The following DPH6 variants were observed in gnomAD, a reference collection of about 807,000 sequenced individuals.
DPH6 encodes diphthine--ammonia ligase.
In DPH6, 33 loss-of-function variants were observed where a neutral mutation model predicts 38.2. The observed-to-expected ratio is 0.86, with a 90% CI of 0.65 to 1.15. The LOEUF (loss-of-function observed/expected upper bound fraction) is 1.15, where lower values mean the gene tolerates loss of function less well. DPH6 is among the 50% of genes most tolerant of loss of function. The pLI is 0.00. For synonymous variants in DPH6, 108 were observed against 103.0 expected (o/e 1.05, Z -0.30); for missense variants, 325 against 320.0 (o/e 1.02, Z -0.12).
chr15:35,304,307 A>G (rs913081160), intron 3 of DPH6, among the ~76,000 whole-genome samples: 1 of 152,078 alleles, frequency 6.6e-6, no homozygotes, highest in African/African-American at 2.4e-5. Flanking sequence ...TTTCCAATAC[A>G]TTACCTTCCT....
chr15:35,146,770 T>C, the DPH6 span, among the ~76,000 whole-genome samples: 1 of 152,158 alleles, frequency 6.6e-6, no homozygotes, highest in African/African-American at 2.4e-5. Context: ...ATATGGAACC[T>C]CTAAAAGTCT....
chr15:35,507,969 A>G (rs1268155217), intron 3 of DPH6, among the ~76,000 whole-genome samples: 1 of 152,092 alleles, frequency 6.6e-6, no homozygotes, highest in African/African-American at 2.4e-5. Flanking sequence ...AATTGTCAGT[A>G]TACACTCCGA....
intron 3 of DPH6, chr15:35,282,890 A>C: frequency 2.9e-6 from 1 of 345,182 alleles, no homozygotes; most frequent in Non-Finnish European, 5.9e-6. Context: ...GGGGGGTTCC[A>C]CCATATAGAT....
intron 3 of DPH6, among the ~76,000 whole-genome samples, chr15:35,499,944 C>T (rs1318252093): frequency 6.6e-6 from 1 of 152,156 alleles, no homozygotes; most frequent in Non-Finnish European, 1.5e-5. Flanking sequence ...AAGAAATCAT[C>T]CAGTCTTCCA....
intron 3 of DPH6, among the ~76,000 whole-genome samples, chr15:35,274,416 G>A (rs1273005918): frequency 6.6e-6 from 1 of 152,080 alleles, no homozygotes; most frequent in Non-Finnish European, 1.5e-5. Context: ...AAACTAAAGC[G>A]CTTCTGCACA....
chr15:35,209,555 A>G, the DPH6 span, among the ~76,000 whole-genome samples: 1 of 152,188 alleles, frequency 6.6e-6, no homozygotes, highest in Non-Finnish European at 1.5e-5. Flanking sequence ...ATCTTAGCAC[A>G]AGTGAATAAA....
intron 3 of DPH6, among the ~76,000 whole-genome samples, chr15:35,228,893 G>C (rs1380127481): frequency 6.6e-6 from 1 of 152,112 alleles, no homozygotes; most frequent in Non-Finnish European, 1.5e-5. Context: ...TGGCCTGTAA[G>C]GTTTCCCTGA....
intron 6 of DPH6, among the ~76,000 whole-genome samples, chr15:35,401,968 CA>C (rs1261824393): frequency 6.6e-6 from 1 of 152,200 alleles, no homozygotes; most frequent in Non-Finnish European, 1.5e-5. Context: ...AGTTTTATAA[CA>C]GGTCATTTTA....
chr15:35,283,756 G>GCACACACACACACACACACA (rs757887783), intron 3 of DPH6, among the ~76,000 whole-genome samples: 32 of 123,648 alleles, frequency 2.6e-4, no homozygotes, highest in Non-Finnish European at 4.3e-4. Context: ...GGCACAGATA[G>GCACACACACACACACACACA]TACACACACA....
At chr15:35,481,208 T>C (rs937653867) in intron 3 of DPH6, among the ~76,000 whole-genome samples, 1 of 152,164 alleles carries the variant, frequency 6.6e-6, no homozygotes, top group Admixed American at 6.6e-5. Context: ...GTATGTGGTA[T>C]ACCGCATTCT....
chr15:35,492,752 G>T (rs1391882679), intron 3 of DPH6, among the ~76,000 whole-genome samples: 2 of 151,954 alleles, frequency 1.3e-5, no homozygotes, highest in Non-Finnish European at 2.9e-5. Flanking sequence ...TTACAAATAA[G>T]AAATCTTGAG....
At chr15:35,341,224 A>G (rs1042470394) in intron 3 of DPH6, among the ~76,000 whole-genome samples, 1 of 152,068 alleles carries the variant, frequency 6.6e-6, no homozygotes, top group African/African-American at 2.4e-5. Flanking sequence ...AGCTCCATCA[A>G]GTTGGTTATG....
At chr15:35,354,750 TG>T (rs1308822402) in intron 3 of DPH6, among the ~76,000 whole-genome samples, 2 of 152,278 alleles carry the variant, frequency 1.3e-5, no homozygotes, top group East Asian at 3.9e-4. Flanking sequence ...CTCTTTTTTT[TG>T]TTGTGTCTCT....
chr15:35,227,782 T>G (rs12102083), intron 3 of DPH6, among the ~76,000 whole-genome samples: 4,832 of 152,132 alleles, frequency 0.032, 250 homozygotes, highest in African/African-American at 0.11. Flanking sequence ...TCTCTCTTAG[T>G]ACCATTTTTG....
chr15:35,249,337 AG>A (rs2051656372), intron 3 of DPH6, among the ~76,000 whole-genome samples: 1 of 152,262 alleles, frequency 6.6e-6, no homozygotes, highest in Non-Finnish European at 1.5e-5. Flanking sequence ...AAAAATATTT[AG>A]ATTGAAAAAG....
chr15:35,472,869 C>A (rs1056329266), intron 3 of DPH6, among the ~76,000 whole-genome samples: 1 of 145,710 alleles, frequency 6.9e-6, no homozygotes, highest in Non-Finnish European at 1.5e-5. Context: ...CTAGCAAAGA[C>A]GTTCCAGAAT....
At chr15:35,323,993 C>T (rs1423337328) in intron 3 of DPH6, among the ~76,000 whole-genome samples, 1 of 152,060 alleles carries the variant, frequency 6.6e-6, no homozygotes, top group African/African-American at 2.4e-5. Context: ...AGCCATATTG[C>T]AAAGAGGGTA....
At chr15:35,455,625 T>C (rs147972733) in intron 3 of DPH6, among the ~76,000 whole-genome samples, 217 of 152,270 alleles carry the variant, frequency 1.4e-3, no homozygotes, top group African/African-American at 5.1e-3. Flanking sequence ...AGATTTAATG[T>C]AAAGAGTATA....
chr15:35,370,332 T>C (rs918568296), downstream of DPH6, among the ~76,000 whole-genome samples: 5 of 151,662 alleles, frequency 3.3e-5, no homozygotes, highest in East Asian at 9.7e-4. Flanking sequence ...AAAAAAGAAT[T>C]GATAAGCTGG....
Sources: gnomAD v4.1 joint callset for allele counts (sites outside exome capture counted in the v4.1 genomes callset) on GRCh38, gnomAD v4.1.1 for gene constraint, MANE v1.5 for transcripts, NCBI Gene and HGNC (gene_info 2026-07-23, HGNC 2026-07-21) for gene names.